The following SPP2 variants were observed in gnomAD, a reference collection of about 807,000 sequenced individuals.
SPP2 encodes secreted phosphoprotein 24.
SPP2 carries 34 observed loss-of-function variants against 28.8 expected under a neutral mutation model. The observed-to-expected ratio is 1.18, with a 90% CI of 0.90 to 1.57. The LOEUF (loss-of-function observed/expected upper bound fraction) is 1.57. SPP2 is among the 40% of genes most tolerant of loss of function. The pLI is 0.00. For synonymous variants in SPP2, 96 were observed against 89.4 expected (o/e 1.07, Z -0.42); for missense variants, 269 against 263.9 (o/e 1.02, Z -0.13).
intron 6 of SPP2, among the ~76,000 whole-genome samples, chr2:234,067,888 T>C (rs1693859258): frequency 6.6e-6 from 1 of 151,168 alleles, no homozygotes; most frequent in African/African-American, 2.4e-5. Flanking sequence ...CTCTGGAGCA[T>C]TTAAAAAGTA....
At chr2:234,056,438 G>A (rs1193856110) in intron 2 of SPP2, among the ~76,000 whole-genome samples, 2 of 152,180 alleles carry the variant, frequency 1.3e-5, no homozygotes, top group African/African-American at 4.8e-5. Flanking sequence ...AAATTTACTG[G>A]CAGAAAGTGA....
At chr2:234,052,522 T>C (rs561594964) in intron 2 of SPP2, among the ~76,000 whole-genome samples, 1 of 152,328 alleles carries the variant, frequency 6.6e-6, no homozygotes, top group South Asian at 2.1e-4. Context: ...GATGAGCTAT[T>C]GTGAGGCACA....
chr2:234,063,453 A>G (rs554580708), intron 4 of SPP2, among the ~76,000 whole-genome samples: 3 of 152,334 alleles, frequency 2.0e-5, no homozygotes, highest in Non-Finnish European at 4.4e-5. Context: ...GAAAGCCCTG[A>G]ATATAAAATA....
intron 6 of SPP2, 122 bp downstream of exon 6, chr2:234,067,396 T>C: frequency 1.1e-6 from 1 of 935,306 alleles, no homozygotes; most frequent in Non-Finnish European, 1.6e-6. Context: ...ATACAAAATA[T>C]TTTAAGTAAA....
At chr2:234,066,715 A>C in intron 5 of SPP2, 128 bp downstream of exon 5, 1 of 726,054 alleles carries the variant, frequency 1.4e-6, no homozygotes, top group South Asian at 1.8e-5. Context: ...CAGCCATAGA[A>C]AATTAACATT....
At chr2:234,051,673 T>A (rs957976658) in intron 2 of SPP2, among the ~76,000 whole-genome samples, 2 of 152,238 alleles carry the variant, frequency 1.3e-5, no homozygotes, top group African/African-American at 4.8e-5. Context: ...CCCTTCTTCC[T>A]GTTCCCCAGG....
At chr2:234,070,133 G>C in intron 7 of SPP2, 110 bp downstream of exon 7, 1 of 804,206 alleles carries the variant, frequency 1.2e-6, no homozygotes. Context: ...TCAAATCCTT[G>C]CTTTTCGGCT....
intron 6 of SPP2, 112 bp from the exon 7 acceptor site, chr2:234,069,816 G>C (rs1027860994): frequency 2.1e-5 from 17 of 812,342 alleles, no homozygotes; most frequent in African/African-American, 1.4e-4. Flanking sequence ...TGGCAGATGG[G>C]TTCAGGTTAT....
chr2:234,055,582 T>C (rs1468139831), intron 2 of SPP2, among the ~76,000 whole-genome samples: 2 of 152,310 alleles, frequency 1.3e-5, no homozygotes, highest in East Asian at 3.9e-4. Flanking sequence ...TATATATTTG[T>C]ATTTCTTTTA....
chr2:234,066,513 T>C lies in SPP2; in HGVS notation c.445-20T>C, dbSNP rs1395716791. ...CTTTCTTTCATGTGCTGACACATCCTGATGCCTGAATTTCTTTAGATGATT... is the reference window on the plus strand; with the variant it reads ...CTTTCTTTCATGTGCTGACACATCCCGATGCCTGAATTTCTTTAGATGATT... On this transcript the variant is annotated intron_variant, in intron 4 of 7. Coordinates refer to ENST00000168148, the MANE Select transcript of SPP2 (RefSeq NM_006944.3). 1.9e-6 allele frequency: 3 copies of C among 1,608,076 alleles called. No individual in the cohort carries two copies. Among genetic ancestry groups the C allele is most frequent in the Admixed American group, 1.7e-5 (1 of 59,750 alleles).
intron 4 of SPP2, among the ~76,000 whole-genome samples, chr2:234,066,312 G>A (rs1214574359): frequency 1.3e-5 from 2 of 152,076 alleles, no homozygotes; most frequent in African/African-American, 4.8e-5. Context: ...AAAGATCTGT[G>A]GGTAATTTAA....
chr2:234,068,482 T>G (rs1693871510), intron 6 of SPP2, among the ~76,000 whole-genome samples: 1 of 152,198 alleles, frequency 6.6e-6, no homozygotes, highest in African/African-American at 2.4e-5. Flanking sequence ...AACAGAGATA[T>G]TAACATTTCA....
intron 2 of SPP2, among the ~76,000 whole-genome samples, chr2:234,056,990 A>G (rs1350072093): frequency 6.6e-6 from 1 of 151,910 alleles, no homozygotes; most frequent in East Asian, 1.9e-4. Context: ...CGCTGCCTCC[A>G]TCTCTCTCCT....
At chr2:234,053,899 G>C (rs1362971791) in intron 2 of SPP2, among the ~76,000 whole-genome samples, 1 of 152,054 alleles carries the variant, frequency 6.6e-6, no homozygotes, top group Non-Finnish European at 1.5e-5. Flanking sequence ...GTTTCTACCA[G>C]GGAAAGAGAG....
chr2:234,072,740 T>G (rs1690820236), intron 7 of SPP2, among the ~76,000 whole-genome samples: 1 of 152,056 alleles, frequency 6.6e-6, no homozygotes, highest in African/African-American at 2.4e-5. Flanking sequence ...AGTGAGGAGG[T>G]CAATCCGATG....
At chr2:234,071,076 C>T (rs1203349848) in intron 7 of SPP2, among the ~76,000 whole-genome samples, 1 of 152,138 alleles carries the variant, frequency 6.6e-6, no homozygotes, top group Non-Finnish European at 1.5e-5. Context: ...TTGAGGGCAT[C>T]ACTGACTCCC....
chr2:234,050,772 C>A lies in SPP2; in HGVS notation c.-15C>A. 1.2e-6 allele frequency: 2 copies of A among 1,611,784 alleles called. No homozygotes were observed. The highest frequency in any genetic ancestry group is 2.2e-5 in the South Asian group (2 of 90,932). ...AAACACATAGAGAGACACTCTCTGT[C>A]TCTCGATTACAATCATGATTTCCAG... is the stretch of plus-strand genomic sequence containing the variant. On this transcript the variant is annotated 5_prime_UTR_variant, in exon 1 of 8. Coordinates refer to ENST00000168148, the MANE Select transcript of SPP2 (RefSeq NM_006944.3).
chr2:234,058,761 G>T, intron 2 of SPP2, 75 bp from the exon 3 acceptor site: 2 of 1,506,226 alleles, frequency 1.3e-6, no homozygotes, highest in Non-Finnish European at 1.8e-6. Flanking sequence ...TTCTTATGGG[G>T]TAGAGACAAT....
chr2:234,075,779 G>A (rs1389433504), intron 7 of SPP2, among the ~76,000 whole-genome samples: 1 of 152,082 alleles, frequency 6.6e-6, no homozygotes, highest in African/African-American at 2.4e-5. Context: ...ATGGCAGCCT[G>A]CCAGACACCT....
Sources: gnomAD v4.1 joint callset for allele counts (sites outside exome capture counted in the v4.1 genomes callset) on GRCh38, gnomAD v4.1.1 for gene constraint, MANE v1.5 for transcripts, NCBI Gene and HGNC (gene_info 2026-07-23, HGNC 2026-07-21) for gene names.